Variants in EBF2 observed in about 807,000 individuals in gnomAD.
EBF2 encodes transcription factor COE2.
EBF2 carries 21 observed loss-of-function variants against 72.8 expected under a neutral mutation model. The observed-to-expected ratio is 0.29, with a 90% CI of 0.20 to 0.42. The LOEUF (loss-of-function observed/expected upper bound fraction) is 0.42. Among genes scored for constraint, EBF2 ranks in the 10% least tolerant of loss-of-function variants. The pLI is 1.00. For synonymous variants in EBF2, 299 were observed against 274.2 expected (o/e 1.09, Z -0.89); for missense variants, 637 against 731.2 (o/e 0.87, Z 1.49).
At chr8:25,869,770 T>C (rs4263777) in intron 10 of EBF2, among the ~76,000 whole-genome samples, 42,867 of 152,066 alleles carry the variant, frequency 0.28, 6,285 homozygotes, top group South Asian at 0.4. Flanking sequence ...GTGAAAATCA[T>C]TATTACCACC....
intron 6 of EBF2, among the ~76,000 whole-genome samples, chr8:25,966,538 T>G (rs1804118725): frequency 6.6e-6 from 1 of 152,226 alleles, no homozygotes; most frequent in Non-Finnish European, 1.5e-5. Flanking sequence ...AGAGATTTGC[T>G]GTTAACTCCA....
In EBF2 at chr8:25,842,967, G is replaced by A. The variant is rs1801765109; in HGVS notation, c.*1642C>T. 6.6e-6 allele frequency: 1 copy of A among 152,124 alleles called. No individual in the cohort carries two copies. Among genetic ancestry groups the A allele is most frequent in the Non-Finnish European group, 1.5e-5 (1 of 68,034 alleles). The allele number at this position is 152,124 out of a possible 1,614,324, so 9.4% of individuals were successfully genotyped here. Reference sequence around the variant, plus strand: ...TATTGTGGTGCTCATGAGTCAATAAGGAGAACCCCAACGTGGAAACAAGTG... The same window carrying A: ...TATTGTGGTGCTCATGAGTCAATAAAGAGAACCCCAACGTGGAAACAAGTG... On this transcript the variant is annotated 3_prime_UTR_variant, in exon 16 of 16. Transcript: ENST00000520164.
At chr8:25,923,032 G>T (rs1358515172) in intron 6 of EBF2, among the ~76,000 whole-genome samples, 2 of 152,134 alleles carry the variant, frequency 1.3e-5, no homozygotes, top group Non-Finnish European at 1.5e-5. Flanking sequence ...TCACTCAGAG[G>T]CCACAGAGCC....
chr8:25,911,342 A>G (rs754415157), intron 6 of EBF2, among the ~76,000 whole-genome samples: 23 of 152,232 alleles, frequency 1.5e-4, no homozygotes, highest in Non-Finnish European at 2.4e-4. Flanking sequence ...CATGCTACAC[A>G]CGACAAAGCT....
At chr8:25,864,077 C>T (rs145870855) in intron 10 of EBF2, among the ~76,000 whole-genome samples, 2 of 152,066 alleles carry the variant, frequency 1.3e-5, no homozygotes, top group Admixed American at 6.6e-5. Context: ...TTATAAATAT[C>T]GAGCAATAAT....
chr8:25,926,966 T>C (rs1362276360), intron 6 of EBF2, among the ~76,000 whole-genome samples: 1 of 151,934 alleles, frequency 6.6e-6, no homozygotes, highest in African/African-American at 2.4e-5. Context: ...TGAAAGAGAG[T>C]TTCAGGATTG....
At chr8:25,955,387 G>A (rs1374630879) in intron 6 of EBF2, among the ~76,000 whole-genome samples, 1 of 152,236 alleles carries the variant, frequency 6.6e-6, no homozygotes, top group Non-Finnish European at 1.5e-5. Context: ...GAGAATTAGA[G>A]GAGAGGGAGA....
chr8:25,878,659 G>T (rs1189660233), intron 10 of EBF2, among the ~76,000 whole-genome samples: 2 of 152,208 alleles, frequency 1.3e-5, no homozygotes, highest in Non-Finnish European at 2.9e-5. Flanking sequence ...AGTTTTTCTA[G>T]AAAGTGGCCA....
At chr8:25,935,340 C>T (rs1210558521) in intron 6 of EBF2, among the ~76,000 whole-genome samples, 2 of 152,150 alleles carry the variant, frequency 1.3e-5, no homozygotes, top group Admixed American at 6.5e-5. Context: ...TGCAGCTCAT[C>T]CCTTTACAAC....
intron 10 of EBF2, among the ~76,000 whole-genome samples, chr8:25,864,452 T>C (rs918428644): frequency 2.0e-5 from 3 of 150,488 alleles, no homozygotes; most frequent in Non-Finnish European, 4.4e-5. Context: ...CTTAAGTATT[T>C]TATGTATAGA....
intron 6 of EBF2, among the ~76,000 whole-genome samples, chr8:25,987,622 A>T (rs1016268653): frequency 6.6e-6 from 1 of 152,236 alleles, no homozygotes; most frequent in Non-Finnish European, 1.5e-5. Flanking sequence ...AGGAAACTGA[A>T]GCACACAAAG....
intron 6 of EBF2, among the ~76,000 whole-genome samples, chr8:25,909,047 A>C (rs1216309996): frequency 6.6e-6 from 1 of 152,178 alleles, no homozygotes; most frequent in African/African-American, 2.4e-5. Flanking sequence ...AAAATCAGAA[A>C]ATGATATGTT....
chr8:25,908,512 T>G lies in EBF2; in HGVS notation c.595A>C (p.Lys199Gln), dbSNP rs753298842. The G allele has an allele frequency of 1.9e-6, 3 of 1,613,884 alleles. No homozygotes were observed. The highest frequency in any genetic ancestry group is 2.5e-6 in the Non-Finnish European group (3 of 1,179,784). Residue 199 changes from lysine to glutamine, a missense_variant, in exon 7 of 16, where the codon AAA (lysine) becomes CAA (glutamine). Transcript: ENST00000520164. Reference sequence around the variant, plus strand: ...ATGTCCCTTGGGTTTCCTGCTGTTTTCAAACAATTCTGATTGCACTTGAGG... The same window carrying G: ...ATGTCCCTTGGGTTTCCTGCTGTTTGCAAACAATTCTGATTGCACTTGAGG... ...FFLKCNQNCL[K>Q]TAGNPRDMRR... is the part of the protein sequence containing the mutation.
intron 6 of EBF2, among the ~76,000 whole-genome samples, chr8:25,909,451 G>A (rs1351865964): frequency 6.6e-6 from 1 of 151,014 alleles, no homozygotes. Context: ...AGTCCCAGGT[G>A]AGCTAGGCCT....
intron 6 of EBF2, among the ~76,000 whole-genome samples, chr8:25,976,319 A>G (rs1168889831): frequency 6.6e-6 from 1 of 152,174 alleles, no homozygotes; most frequent in East Asian, 1.9e-4. Flanking sequence ...CCAATTTGGA[A>G]ACAGGTCCAA....
intron 6 of EBF2, among the ~76,000 whole-genome samples, chr8:26,019,473 T>C (rs1233168972): frequency 6.6e-6 from 1 of 152,174 alleles, no homozygotes; most frequent in African/African-American, 2.4e-5. Flanking sequence ...AATTACATAA[T>C]AGAATATTGG....
At chr8:26,041,203 C>T (rs1264354880) in intron 2 of EBF2, 3 of 620,376 alleles carry the variant, frequency 4.8e-6, no homozygotes, top group East Asian at 2.8e-5. Context: ...GACTCGTAGC[C>T]ACTTGACCCT....
chr8:26,033,482 G>T (rs932450185), intron 5 of EBF2, among the ~76,000 whole-genome samples: 1 of 152,130 alleles, frequency 6.6e-6, no homozygotes, highest in South Asian at 2.1e-4. Context: ...TGCCCACCTC[G>T]GCCTCCCAAA....
chr8:25,852,504 G>T (rs1162600578), intron 14 of EBF2, among the ~76,000 whole-genome samples: 1 of 152,090 alleles, frequency 6.6e-6, no homozygotes, highest in Non-Finnish European at 1.5e-5. Flanking sequence ...TGTGAATGAG[G>T]CATTCACACA....
Sources: allele counts gnomAD v4.1 joint callset (sites outside exome capture counted in the v4.1 genomes callset), GRCh38; gene constraint gnomAD v4.1.1; transcripts MANE v1.5; gene names NCBI Gene and HGNC (gene_info 2026-07-23, HGNC 2026-07-21).